GBF1: variants seen among roughly 807,000 people sequenced by gnomAD.
The protein encoded by GBF1 is golgi brefeldin A resistant guanine nucleotide exchange factor 1.
A neutral mutation model predicts 210.5 loss-of-function variants in GBF1; 114 were observed. The ratio of observed to expected loss-of-function variants is 0.54; its 90% CI spans 0.47 to 0.63. GBF1 has a LOEUF of 0.63. GBF1 is among the 30% of genes least tolerant of loss of function. The probability of loss-of-function intolerance (pLI) is 0.00; values close to 1 mark genes in which losing one functional copy is unlikely to be tolerated. For synonymous variants in GBF1, 850 were observed against 889.2 expected (o/e 0.96, Z 0.78); for missense variants, 1,851 against 2,357.7 (o/e 0.79, Z 4.45).
At chr10:102,280,557 G>A (rs77623320) in intron 3 of GBF1, among the ~76,000 whole-genome samples, 1,865 of 152,212 alleles carry the variant, frequency 0.012, 33 homozygotes, top group African/African-American at 0.043. Flanking sequence ...CAATCTCTTC[G>A]TTGTTCAGGT....
chr10:102,379,210 C>A, intron 33 of GBF1, 74 bp from the exon 34 acceptor site: 3 of 1,424,350 alleles, frequency 2.1e-6, no homozygotes, highest in Non-Finnish European at 2.9e-6. Context: ...TAGTTAGGGA[C>A]AGTGAGTGGG....
rs80126926 is a variant in GBF1, at chr10:102,357,660, C to T, written c.640-379C>T. 2.5e-3 allele frequency among the ~76,000 whole-genome samples: 388 copies of T among 152,160 alleles called. 1 individual carries two copies. Among genetic ancestry groups the T allele is most frequent in the Non-Finnish European group, 4.7e-3 (322 of 68,014 alleles). On this transcript the variant is annotated intron_variant, in intron 8 of 39. Coordinates refer to ENST00000369983, the MANE Select transcript of GBF1 (RefSeq NM_001377137.1). ...ACCATGCACCTGTAGAACTGAGTGT[C>T]AGGGCAAAGGAAACCCTGCCCTTAC...
chr10:102,331,577 G>A (rs2057334675), intron 3 of GBF1, among the ~76,000 whole-genome samples: 1 of 152,022 alleles, frequency 6.6e-6, no homozygotes, highest in African/African-American at 2.4e-5. Context: ...GAGCCCAGGA[G>A]TTCAAGACCA....
At chr10:102,292,794 T>G (rs2076553999) in intron 3 of GBF1, among the ~76,000 whole-genome samples, 1 of 152,188 alleles carries the variant, frequency 6.6e-6, no homozygotes, top group East Asian at 1.9e-4. Context: ...TAATGAAAAT[T>G]TTGATGTAGC....
Position 102,379,602 on chromosome 10 carries a change from A to C in GBF1, c.4727A>C (p.His1576Pro). 6.2e-7 allele frequency: 1 copy of C among 1,614,150 alleles called. No homozygotes were observed. The highest frequency in any genetic ancestry group is 8.5e-7 in the Non-Finnish European group (1 of 1,179,984). The change falls in exon 35 of 40, where the codon CAT becomes CCT. Residue 1576 changes from histidine (H) to proline (P), a missense_variant. Coordinates refer to ENST00000369983, the MANE Select transcript of GBF1 (RefSeq NM_001377137.1). ...LTYLQRALLV[H>P]DLQKLDALEW... ...TATCTGCAGCGAGCACTACTTGTAC[A>C]TGATCTGCAAAAGCTAGATGCCCTG... is the stretch of plus-strand genomic sequence containing the variant.
Position 102,358,571 on chromosome 10 carries a change from G to A in GBF1, c.853G>A (p.Val285Met), listed in dbSNP as rs770971071. Residue 285 changes from valine to methionine, a missense_variant, in exon 10 of 40, where the codon GTG becomes ATG. Around this residue, in one of 3 missense-constraint regions of GBF1, gnomAD observed 804 missense variants for 958.6 expected, o/e 0.84. Coordinates refer to ENST00000369983, the MANE Select transcript of GBF1 (RefSeq NM_001377137.1). ...SSASSEAASA[V>M]VSPSTDSGLE... is the part of the protein sequence containing the mutation. ...TGCAAGTTCAGAAGCTGCCTCAGCA[G>A]TGGTCAGTCCCTCTACAGACAGTGG... The A allele has an allele frequency of 1.9e-6, 3 of 1,613,834 alleles. No individual in the cohort carries two copies. In the East Asian group the frequency reaches 6.7e-5, roughly 36 times the overall value.
intron 3 of GBF1, among the ~76,000 whole-genome samples, chr10:102,339,833 C>T (rs1446800833): frequency 6.6e-6 from 1 of 152,098 alleles, no homozygotes; most frequent in Non-Finnish European, 1.5e-5. Context: ...TCACCCCAGG[C>T]TGGAGTGCAG....
intron 6 of GBF1, among the ~76,000 whole-genome samples, chr10:102,352,200 CCT>C (rs1200492157): frequency 1.3e-5 from 2 of 152,194 alleles, no homozygotes; most frequent in African/African-American, 4.8e-5. Context: ...ACCAAATCAC[CCT>C]CTCTTGGGGT....
chr10:102,297,726 C>A (rs1223374676), intron 3 of GBF1, among the ~76,000 whole-genome samples: 1 of 152,064 alleles, frequency 6.6e-6, no homozygotes, highest in East Asian at 1.9e-4. Context: ...CCTTCTGGAC[C>A]TTTTCATAAC....
intron 1 of GBF1, among the ~76,000 whole-genome samples, chr10:102,247,112 T>C (rs928192458): frequency 6.6e-6 from 1 of 152,184 alleles, no homozygotes; most frequent in African/African-American, 2.4e-5. Context: ...CTTTGCACTT[T>C]TGCATGATGA....
chr10:102,341,899 C>T (rs112380050), intron 3 of GBF1, among the ~76,000 whole-genome samples: 1,859 of 152,150 alleles, frequency 0.012, 33 homozygotes, highest in African/African-American at 0.043. Flanking sequence ...GTACCTGTCC[C>T]GATTCTCAAA....
intron 3 of GBF1, among the ~76,000 whole-genome samples, chr10:102,261,921 C>T (rs928700882): frequency 2.6e-5 from 4 of 151,794 alleles, no homozygotes; most frequent in Non-Finnish European, 5.9e-5. Flanking sequence ...CGTGCTCAGC[C>T]CATATTTTCT....
intron 3 of GBF1, among the ~76,000 whole-genome samples, chr10:102,295,617 T>A (rs2076848816): frequency 6.6e-6 from 1 of 152,200 alleles, no homozygotes; most frequent in South Asian, 2.1e-4. Flanking sequence ...AGATAAGCCC[T>A]AAGTTGCTAA....
Position 102,365,519 on chromosome 10 carries a change from G to A in GBF1, c.2229G>A (p.Glu743=), listed in dbSNP as rs774779212. The A allele has an allele frequency of 6.2e-7, 1 of 1,614,232 alleles. No homozygotes were observed. Among genetic ancestry groups the A allele is most frequent in the Admixed American group, 1.7e-5 (1 of 60,030 alleles). The change falls in exon 18 of 40, where the codon GAG becomes GAA. Residue 743 remains glutamate, a synonymous_variant. Transcript: ENST00000369983. ...DNTEVAQWLR[E]NPRLDKKMIG... is the part of the protein sequence containing the mutation. ...CAGAGGTTGCTCAGTGGCTCCGAGA[G>A]AACCCTCGGCTGGACAAGAAGATGA...
intron 3 of GBF1, among the ~76,000 whole-genome samples, chr10:102,336,299 C>CA (rs566414701): frequency 6.3e-3 from 300 of 47,936 alleles, no homozygotes; most frequent in South Asian, 0.01. Context: ...GACTTTGTCT[C>CA]AAAAAAAAAA....
chr10:102,263,909 G>C (rs1346480736), intron 3 of GBF1, among the ~76,000 whole-genome samples: 1 of 152,198 alleles, frequency 6.6e-6, no homozygotes, highest in Non-Finnish European at 1.5e-5. Context: ...AGACTTGACT[G>C]CTGTCCCTCA....
chr10:102,286,202 T>TG (rs142839217), intron 3 of GBF1, among the ~76,000 whole-genome samples: 40,887 of 144,714 alleles, frequency 0.28, 6,221 homozygotes, highest in African/African-American at 0.39. Flanking sequence ...GGGTTTTTTT[T>TG]TTTTTTTTTT....
chr10:102,305,610 C>CA (rs769935816), intron 3 of GBF1, among the ~76,000 whole-genome samples: 2,185 of 142,706 alleles, frequency 0.015, 34 homozygotes, highest in African/African-American at 0.046. Flanking sequence ...ACTCCATCTC[C>CA]AAAAAAAAAA....
intron 4 of GBF1, among the ~76,000 whole-genome samples, chr10:102,348,996 A>G (rs934671228): frequency 5.3e-5 from 8 of 152,046 alleles, no homozygotes; most frequent in African/African-American, 1.7e-4. Context: ...AAAAAATACA[A>G]AAATTCTCCT....
Sources: gnomAD v4.1 joint callset for allele counts (sites outside exome capture counted in the v4.1 genomes callset) on GRCh38, gnomAD v4.1.1 for gene constraint, gnomAD v4.1.1 regional missense constraint, MANE v1.5 for transcripts, NCBI Gene and HGNC (gene_info 2026-07-23, HGNC 2026-07-21) for gene names.